Variants in TENM1 observed in about 807,000 individuals in gnomAD.
TENM1 encodes teneurin-1.
A neutral mutation model predicts 174.8 loss-of-function variants in TENM1; 35 were observed. The ratio of observed to expected loss-of-function variants is 0.20; its 90% CI spans 0.15 to 0.27. TENM1 has a LOEUF of 0.27. Ranked by LOEUF, TENM1 falls within the 10% of genes least tolerant of loss-of-function variation. TENM1 has a pLI of 1.00. For missense variants in TENM1, 1,633 were observed against 2,130.1 expected (o/e 0.77, Z 4.59); for synonymous variants, 781 against 798.7 (o/e 0.98, Z 0.37).
chrX:124,443,003 T>C (rs756910069), intron 23 of TENM1, among the ~76,000 whole-genome samples: 1 of 106,839 alleles, frequency 9.4e-6, no homozygotes, highest in South Asian at 4.3e-4. Flanking sequence ...TTTTCTTTTT[T>C]TTCCACCCAG....
intron 3 of TENM1, among the ~76,000 whole-genome samples, chrX:124,746,256 G>C (rs946238128): frequency 8.9e-6 from 1 of 111,889 alleles, no homozygotes; most frequent in African/African-American, 3.2e-5. Context: ...TAACTTATTT[G>C]ATTGAATTAT....
Position 124,400,858 on chromosome X carries a change from A to G in TENM1, c.5391+4173T>C, listed in dbSNP as rs190470469. ...TGTCCAGGGAAATGTATTTATGGGG[A>G]CAGATTGATGCAGCAGATAAGCAGA... On this transcript the variant is annotated intron_variant, in intron 27 of 31. Transcript: ENST00000422452. Among the ~76,000 whole-genome samples the G allele has an allele frequency of 4.1e-3, 457 of 112,366 alleles. 1 individual carries two copies. The highest frequency in any genetic ancestry group is 0.014 in the African/African-American group (426 of 30,923).
At chrX:125,017,363 T>C in the TENM1 span, among the ~76,000 whole-genome samples, 4 of 111,490 alleles carry the variant, frequency 3.6e-5, no homozygotes, top group Non-Finnish European at 7.6e-5. Context: ...TAAAGAAATT[T>C]ACAAGATAAC....
chrX:125,170,456 T>C, the TENM1 span, among the ~76,000 whole-genome samples: 1 of 111,681 alleles, frequency 9.0e-6, no homozygotes, highest in Non-Finnish European at 1.9e-5. Flanking sequence ...GAGTTCAGTT[T>C]CAGATGCATA....
At chrX:124,904,543 T>C (rs2057715297) in intron 1 of TENM1, among the ~76,000 whole-genome samples, 2 of 112,603 alleles carry the variant, frequency 1.8e-5, no homozygotes, top group South Asian at 7.2e-4. Flanking sequence ...GTTATTTTGG[T>C]AAATTAGCTG....
exon 23 of TENM1, chrX:124,453,437 C>T (rs1452740181): frequency 3.3e-6 from 4 of 1,209,724 alleles, no homozygotes; most frequent in East Asian, 3.0e-5. Context: ...ATCAATTTTG[C>T]GAATCATAGT....
At chrX:124,644,109 C>T (rs1035870223) in intron 10 of TENM1, among the ~76,000 whole-genome samples, 1 of 89,812 alleles carries the variant, frequency 1.1e-5, no homozygotes, top group African/African-American at 4.2e-5. Context: ...ATGTATATGG[C>T]AGATATATAC....
intron 22 of TENM1, among the ~76,000 whole-genome samples, chrX:124,461,324 A>G (rs750430696): frequency 1.5e-4 from 17 of 112,075 alleles, no homozygotes; most frequent in African/African-American, 5.5e-4. Flanking sequence ...CACTACAAAA[A>G]ATGGAATGAA....
chrX:125,025,166 C>T, the TENM1 span, among the ~76,000 whole-genome samples: 1 of 111,260 alleles, frequency 9.0e-6, no homozygotes, highest in Admixed American at 9.6e-5. Context: ...ACTGTGTGAC[C>T]ATAAAACAAA....
chrX:125,171,978 G>A, the TENM1 span, among the ~76,000 whole-genome samples: 2 of 111,439 alleles, frequency 1.8e-5, no homozygotes, highest in Non-Finnish European at 3.8e-5. Flanking sequence ...AGAAAATAGA[G>A]GTAAAAGGCA....
intron 3 of TENM1, among the ~76,000 whole-genome samples, chrX:124,746,915 G>A (rs1341403001): frequency 1.8e-5 from 2 of 110,715 alleles, no homozygotes; most frequent in African/African-American, 3.3e-5. Flanking sequence ...ATCACCTGAG[G>A]TCAGGAGTTC....
upstream of TENM1, among the ~76,000 whole-genome samples, chrX:124,965,833 T>C (rs755033700): frequency 2.7e-5 from 3 of 111,530 alleles, no homozygotes; most frequent in South Asian, 1.1e-3. Flanking sequence ...GAGCCACAAC[T>C]TTGAATATCC....
intron 3 of TENM1, among the ~76,000 whole-genome samples, chrX:124,758,232 G>C (rs1214318563): frequency 8.9e-6 from 1 of 112,082 alleles, no homozygotes; most frequent in African/African-American, 3.2e-5. Context: ...CAAAGGACTT[G>C]AATAGATATC....
the TENM1 span, among the ~76,000 whole-genome samples, chrX:125,076,339 T>C: frequency 1.0e-5 from 1 of 99,527 alleles, no homozygotes; most frequent in East Asian, 3.0e-4. Context: ...TTATGTATTG[T>C]CTTCCCAAAC....
At chrX:124,918,181 A>AT (rs1271227103) in intron 1 of TENM1, among the ~76,000 whole-genome samples, 2 of 107,295 alleles carry the variant, frequency 1.9e-5, no homozygotes, top group Admixed American at 2.0e-4. Flanking sequence ...GAAGATACTG[A>AT]ATTTTTTTTT....
chrX:124,391,679 C>T (rs763330681), intron 28 of TENM1, among the ~76,000 whole-genome samples: 1 of 111,537 alleles, frequency 9.0e-6, no homozygotes, highest in South Asian at 3.8e-4. Flanking sequence ...GGTAAAAAGC[C>T]CTTTACCAGA....
At chrX:124,896,883 A>T (rs1019155638) in intron 1 of TENM1, among the ~76,000 whole-genome samples, 3 of 111,524 alleles carry the variant, frequency 2.7e-5, no homozygotes, top group African/African-American at 9.8e-5. Flanking sequence ...TACACACAAA[A>T]ATTTAGTCAT....
At chrX:124,606,768 CATCTT>C (rs765478752) in intron 11 of TENM1, among the ~76,000 whole-genome samples, 65 of 111,716 alleles carry the variant, frequency 5.8e-4, no homozygotes, top group South Asian at 3.6e-4. Flanking sequence ...CTAATTATGT[CATCTT>C]GAGCAAATTA....
At chrX:124,409,191 G>A (rs913171295) in intron 25 of TENM1, among the ~76,000 whole-genome samples, 4 of 110,531 alleles carry the variant, frequency 3.6e-5, no homozygotes, top group African/African-American at 1.3e-4. Flanking sequence ...ACCCAGTAAT[G>A]GGATGGCTGG....
Sources: allele counts gnomAD v4.1 joint callset (sites outside exome capture counted in the v4.1 genomes callset), GRCh38; gene constraint gnomAD v4.1.1; transcripts MANE v1.5; gene names NCBI Gene and HGNC (gene_info 2026-07-23, HGNC 2026-07-21).